ABCG1: variants seen among roughly 807,000 people sequenced by gnomAD.
ABCG1 encodes ATP binding cassette subfamily G member 1.
ABCG1 carries 29 observed loss-of-function variants against 69.2 expected under a neutral mutation model. The observed-to-expected ratio is 0.42, with a 90% CI of 0.31 to 0.57. The LOEUF (loss-of-function observed/expected upper bound fraction) is 0.57. Among genes scored for constraint, ABCG1 ranks in the 20% least tolerant of loss-of-function variants. The probability of loss-of-function intolerance (pLI) is 0.15; values close to 1 mark genes in which losing one functional copy is unlikely to be tolerated. For synonymous variants in ABCG1, 370 were observed against 374.8 expected (o/e 0.99, Z 0.15); for missense variants, 718 against 898.1 (o/e 0.80, Z 2.56).
chr21:42,283,750 CTGT>C (rs2068867033), intron 6 of ABCG1, among the ~76,000 whole-genome samples: 4 of 50,048 alleles, frequency 8.0e-5, no homozygotes, highest in African/African-American at 2.7e-4. Context: ...CCCCCCACCT[CTGT>C]CCTGCCTGGA....
chr21:42,221,855 G>T (rs2067732847), intron 1 of ABCG1, among the ~76,000 whole-genome samples: 1 of 152,156 alleles, frequency 6.6e-6, no homozygotes, highest in African/African-American at 2.4e-5. Flanking sequence ...AGTGAATGCG[G>T]CTCACCACGG....
chr21:42,206,379 T>C (rs112803951), intron 2 of ABCG1, among the ~76,000 whole-genome samples: 8,554 of 146,998 alleles, frequency 0.058, 544 homozygotes, highest in African/African-American at 0.17. Context: ...AATAAATAAA[T>C]AAATAAACAA....
chr21:42,204,513 T>C (rs1026171230), intron 2 of ABCG1, among the ~76,000 whole-genome samples: 1 of 152,230 alleles, frequency 6.6e-6, no homozygotes, highest in African/African-American at 2.4e-5. Flanking sequence ...TTTTTTCCTC[T>C]TTTATCTATT....
intron 2 of ABCG1, among the ~76,000 whole-genome samples, chr21:42,237,002 T>C (rs1162819068): frequency 6.6e-6 from 1 of 152,196 alleles, no homozygotes; most frequent in Non-Finnish European, 1.5e-5. Flanking sequence ...GGCCGTGTCC[T>C]GAATGGTGTG....
At chr21:42,209,491 T>C (rs928248318) in intron 2 of ABCG1, among the ~76,000 whole-genome samples, 15 of 152,190 alleles carry the variant, frequency 9.9e-5, no homozygotes, top group Non-Finnish European at 7.3e-5. Flanking sequence ...GAATTTATCA[T>C]CTCTTTGGAG....
intron 13 of ABCG1, among the ~76,000 whole-genome samples, chr21:42,294,204 A>G (rs541151719): frequency 8.3e-4 from 126 of 152,222 alleles, no homozygotes; most frequent in Middle Eastern, 3.4e-3. Context: ...CCAGGCACTT[A>G]GCCCCCCCGG....
Position 42,291,002 on chromosome 21 carries a change from GC to G in ABCG1, c.1394-88del. 1.1e-6 allele frequency: 1 copy of G among 951,778 alleles called. No homozygotes were observed. The highest frequency in any genetic ancestry group is 2.5e-5 in the East Asian group (1 of 40,110). The allele number at this position is 951,778 out of a possible 1,614,324, so 59.0% of individuals were successfully genotyped here. Reference sequence around the variant, plus strand: ...GCCCTAGGCCAGAGCTGGGTTACCAGCCGCTCAGCTCAAGATCGCCTGTTGG... The same window carrying G: ...GCCCTAGGCCAGAGCTGGGTTACCAGCGCTCAGCTCAAGATCGCCTGTTGG... On this transcript the variant is annotated intron_variant, in intron 11 of 14. Coordinates refer to ENST00000398449, the MANE Select transcript of ABCG1 (RefSeq NM_016818.3). The surrounding 1 kb of genome is among the most constrained non-coding windows in gnomAD (Gnocchi z 6.4).
At chr21:42,224,236 T>C (rs928682320) in intron 1 of ABCG1, among the ~76,000 whole-genome samples, 1 of 152,160 alleles carries the variant, frequency 6.6e-6, no homozygotes, top group African/African-American at 2.4e-5. Context: ...GGGGCTCTTT[T>C]GGAATCAAAG....
rs183377096 is a variant in ABCG1, at chr21:42,291,797, C to G, written c.1653+141C>G. On this transcript the variant is annotated intron_variant, in intron 13 of 14. Coordinates refer to ENST00000398449, the MANE Select transcript of ABCG1 (RefSeq NM_016818.3). The surrounding 1 kb of genome is among the most constrained non-coding windows in gnomAD (Gnocchi z 6.4). ...GATGGGGTCGTTCCCACGGGAAGGG[C>G]CCGCATTGTCGAGGGTCAGGATCAG... 1.9e-6 allele frequency: 2 copies of G among 1,058,812 alleles called. No homozygotes were observed. The highest frequency in any genetic ancestry group is 3.2e-5 in the African/African-American group (2 of 62,354). 65.6% of individuals were successfully genotyped at this position (1,058,812 alleles called of 1,614,324 possible).
At chr21:42,237,479 C>T (rs968885286) in intron 2 of ABCG1, among the ~76,000 whole-genome samples, 4 of 152,232 alleles carry the variant, frequency 2.6e-5, no homozygotes, top group African/African-American at 4.8e-5. Flanking sequence ...GGTTACTCTT[C>T]GTACTCCTCT....
In ABCG1 at chr21:42,219,222, C is replaced by A; in HGVS notation, c.-41C>A. The stretch of plus-strand genomic sequence containing the variant: ...TCGGCCCCGCAGCTCAAGCCTCGTC[C>A]CCGCCGCCGCCGCCGCCGCCGCCGC... On this transcript the variant is annotated 5_prime_UTR_variant, in exon 1 of 15. Transcript: ENST00000398449. The surrounding 1 kb of genome is among the most constrained non-coding windows in gnomAD (Gnocchi z 5.3). The A allele has an allele frequency of 6.8e-7, 1 of 1,474,026 alleles. No individual in the cohort carries two copies. The highest frequency in any genetic ancestry group is 9.0e-7 in the Non-Finnish European group (1 of 1,111,082). The allele number at this position is 1,474,026 out of a possible 1,614,324, so 91.3% of individuals were successfully genotyped here.
In ABCG1 at chr21:42,286,000, C is replaced by T. The variant is rs375745027; in HGVS notation, c.973+6C>T. ...CCACAACCCAGCAGATTTTGGTAAG[C>T]GGAGTCCTGAGCAGCTCGGGGGACA... On this transcript the variant is annotated splice_donor_region_variant and intron_variant, in intron 8 of 14. Coordinates refer to ENST00000398449, the MANE Select transcript of ABCG1 (RefSeq NM_016818.3). 90 of 1,597,852 alleles carry T rather than the reference C, an allele frequency of 5.6e-5. 1 individual carries two copies. Among genetic ancestry groups the T allele is most frequent in the South Asian group, 4.8e-4 (44 of 90,740 alleles).
chr21:42,273,446 C>G lies in ABCG1; in HGVS notation c.537+11C>G. The stretch of plus-strand genomic sequence containing the variant: ...CAGGAGGCCATGATGGTGAGCTCCG[C>G]CCTGCCCCGCCCCACTCCGCCCCTG... On this transcript the variant is annotated intron_variant, in intron 4 of 14. Coordinates refer to ENST00000398449, the MANE Select transcript of ABCG1 (RefSeq NM_016818.3). This position sits in a 1 kb window ranked among gnomAD's most constrained non-coding sequence, Gnocchi z 5.3. 1.2e-6 allele frequency: 2 copies of G among 1,610,876 alleles called. No homozygotes were observed. Among genetic ancestry groups the G allele is most frequent in the Non-Finnish European group, 1.7e-6 (2 of 1,178,228 alleles).
In ABCG1 at chr21:42,273,557, C is replaced by T; in HGVS notation, c.537+122C>T. On this transcript the variant is annotated intron_variant, in intron 4 of 14. Transcript: ENST00000398449. The surrounding 1 kb of genome is among the most constrained non-coding windows in gnomAD (Gnocchi z 5.3). Reference sequence around the variant, plus strand: ...CCCAAGGGCTCTGCCACGCGGCCTGCACAGGGCCAGCAACCTCCCTCTAGC... The same window carrying T: ...CCCAAGGGCTCTGCCACGCGGCCTGTACAGGGCCAGCAACCTCCCTCTAGC... The T allele has an allele frequency of 4.2e-6, 5 of 1,197,854 alleles. No homozygotes were observed. Among genetic ancestry groups the T allele is most frequent in the Non-Finnish European group, 5.7e-6 (5 of 873,006 alleles). 74.2% of individuals were successfully genotyped at this position (1,197,854 alleles called of 1,614,324 possible).
At chr21:42,229,359 G>A (rs934276067) in intron 2 of ABCG1, among the ~76,000 whole-genome samples, 8 of 152,286 alleles carry the variant, frequency 5.3e-5, no homozygotes, top group South Asian at 4.1e-4. Context: ...ATGATCACGC[G>A]GAGGCTGGAT....
Position 42,280,301 on chromosome 21 carries a change from G to C in ABCG1, c.589-1973G>C, listed in dbSNP as rs535943746. 1.8e-4 allele frequency among the ~76,000 whole-genome samples: 28 copies of C among 152,348 alleles called. No individual in the cohort carries two copies. The East Asian group carries it at 5.4e-3, about 30-fold the overall frequency. On this transcript the variant is annotated intron_variant, in intron 5 of 14. Coordinates refer to ENST00000398449, the MANE Select transcript of ABCG1 (RefSeq NM_016818.3). ...TCTCTGTCTCATGGAAACACAATGGGATGGAATGTTCTAGAAGATCATGGA... is the reference window on the plus strand; with the variant it reads ...TCTCTGTCTCATGGAAACACAATGGCATGGAATGTTCTAGAAGATCATGGA...
intron 2 of ABCG1, among the ~76,000 whole-genome samples, chr21:42,244,392 A>G (rs950269924): frequency 1.3e-5 from 2 of 152,302 alleles, no homozygotes; most frequent in East Asian, 3.9e-4. Context: ...AAGGTCGGCC[A>G]TTTCCACCGT....
At chr21:42,222,437 G>C (rs1002257748) in intron 1 of ABCG1, among the ~76,000 whole-genome samples, 1 of 152,148 alleles carries the variant, frequency 6.6e-6, no homozygotes, top group Non-Finnish European at 1.5e-5. Flanking sequence ...TGATTTCCTT[G>C]GTGTGGATTT....
intron 2 of ABCG1, among the ~76,000 whole-genome samples, chr21:42,202,452 C>T (rs781728792): frequency 1.3e-5 from 2 of 152,042 alleles, no homozygotes; most frequent in Non-Finnish European, 2.9e-5. Context: ...GAGAGATGAG[C>T]AGTGAAAACC....
Sources: allele counts gnomAD v4.1 joint callset (sites outside exome capture counted in the v4.1 genomes callset), GRCh38; gene constraint gnomAD v4.1.1; non-coding constraint Gnocchi (gnomAD v3.1); transcripts MANE v1.5; gene names NCBI Gene and HGNC (gene_info 2026-07-23, HGNC 2026-07-21).